The following KCNMA1 variants were observed in gnomAD, a reference collection of about 807,000 sequenced individuals.
KCNMA1 encodes potassium calcium-activated channel subfamily M alpha 1, also known as Calcium-activated potassium channel subunit alpha-1.
Under a neutral mutation model 140.0 loss-of-function variants are expected in KCNMA1, and 29 were observed. The ratio of observed to expected loss-of-function variants is 0.21; its 90% CI spans 0.15 to 0.28. KCNMA1 has a LOEUF of 0.28. KCNMA1 is among the 10% of genes least tolerant of loss of function. The pLI, the probability that KCNMA1 is intolerant of heterozygous loss-of-function variation, is 1.00. For synonymous variants in KCNMA1, 612 were observed against 611.9 expected, an observed-to-expected ratio of 1.00 and a Z score of 0.00; for missense variants, 880 against 1,602.2, an observed-to-expected ratio of 0.55 and a Z score of 7.70.
chr10:77,048,004 G>A (rs1023204300), intron 14 of KCNMA1, among the ~76,000 whole-genome samples: 8 of 151,756 alleles, frequency 5.3e-5, no homozygotes, highest in Non-Finnish European at 1.2e-4. Flanking sequence ...TGAATTACAG[G>A]CCAGGCACTG....
intron 1 of KCNMA1, among the ~76,000 whole-genome samples, chr10:77,601,494 C>G (rs1379167344): frequency 6.6e-6 from 1 of 152,206 alleles, no homozygotes; most frequent in Non-Finnish European, 1.5e-5. Flanking sequence ...TCGCCTTAGA[C>G]TCGGACCATG....
chr10:77,414,657 AT>A (rs777611056), intron 1 of KCNMA1, among the ~76,000 whole-genome samples: 33 of 149,248 alleles, frequency 2.2e-4, no homozygotes, highest in African/African-American at 4.9e-4. Flanking sequence ...TGCTCCAGTA[AT>A]TTTTTTTTTC....
intron 23 of KCNMA1, among the ~76,000 whole-genome samples, chr10:76,928,607 T>C (rs1289186150): frequency 1.3e-5 from 2 of 152,220 alleles, no homozygotes; most frequent in Non-Finnish European, 2.9e-5. Context: ...CTGTAAAATA[T>C]GCTTTAATAT....
At chr10:77,265,838 T>C (rs2063274198) in intron 2 of KCNMA1, among the ~76,000 whole-genome samples, 1 of 152,164 alleles carries the variant, frequency 6.6e-6, no homozygotes, top group Non-Finnish European at 1.5e-5. Context: ...CCCAGCACTT[T>C]GGGAGGCCGA....
chr10:77,347,663 T>G (rs1377573189), intron 2 of KCNMA1, among the ~76,000 whole-genome samples: 1 of 152,128 alleles, frequency 6.6e-6, no homozygotes, highest in Non-Finnish European at 1.5e-5. Flanking sequence ...TGTAAGACTA[T>G]TGGGAATAAA....
intron 14 of KCNMA1, among the ~76,000 whole-genome samples, chr10:77,070,688 C>G (rs2096166516): frequency 6.6e-6 from 1 of 152,106 alleles, no homozygotes; most frequent in South Asian, 2.1e-4. Context: ...ACCCCCCACC[C>G]CCAACAAAAG....
intron 3 of KCNMA1, among the ~76,000 whole-genome samples, chr10:77,186,881 T>G (rs1436867682): frequency 6.6e-6 from 1 of 151,812 alleles, no homozygotes; most frequent in Non-Finnish European, 1.5e-5. Flanking sequence ...GGTGCTCACT[T>G]GTGCCAGCGG....
At chr10:77,332,781 A>C (rs984400496) in intron 2 of KCNMA1, among the ~76,000 whole-genome samples, 3 of 152,228 alleles carry the variant, frequency 2.0e-5, no homozygotes, top group Non-Finnish European at 4.4e-5. Context: ...ACAGAAGTAC[A>C]CAGCTCTCAG....
At position 76,930,637 on chromosome 10, in the gene KCNMA1, A is replaced by T. The variant is rs762560732; in HGVS notation, c.2902+14136T>A. Among the ~76,000 whole-genome samples, 26 of 152,190 alleles carry T rather than the reference A, an allele frequency of 1.7e-4. 1 individual carries two copies. Among genetic ancestry groups the T allele is most frequent in the Admixed American group, 6.5e-5 (1 of 15,284 alleles). Reference sequence around the variant, plus strand: ...CACTTCTGGGTATATATCCAACAGAAATGAAATCAGTATCTCAAAGAGACA... The same window carrying T: ...CACTTCTGGGTATATATCCAACAGATATGAAATCAGTATCTCAAAGAGACA... On this transcript the variant is annotated intron_variant, in intron 23 of 27. Coordinates refer to ENST00000286628, the MANE Select transcript of KCNMA1 (RefSeq NM_001161352.2).
intron 2 of KCNMA1, among the ~76,000 whole-genome samples, chr10:77,294,901 A>G (rs2074442479): frequency 6.6e-6 from 1 of 152,110 alleles, no homozygotes; most frequent in African/African-American, 2.4e-5. Flanking sequence ...CCTGGACAAC[A>G]GAGCAAGACT....
At chr10:77,061,120 G>A (rs1456165226) in intron 14 of KCNMA1, among the ~76,000 whole-genome samples, 1 of 152,082 alleles carries the variant, frequency 6.6e-6, no homozygotes, top group Non-Finnish European at 1.5e-5. Context: ...AGATATCTAG[G>A]AGTGGTATTT....
chr10:77,121,076 A>C lies in KCNMA1; in HGVS notation c.809-28T>G, dbSNP rs78403702. ...GGAAAAAAGAATGAAATAGAGATGC[A>C]TTATTTTCAATGTGTGATTTTAATG... On this transcript the variant is annotated intron_variant, in intron 5 of 27. Coordinates refer to ENST00000286628, the MANE Select transcript of KCNMA1 (RefSeq NM_001161352.2). The C allele has an allele frequency of 1.3e-3, 1,678 of 1,289,000 alleles. 15 individuals are homozygous for C. The African/African-American group carries it at 0.022, about 17-fold the overall frequency. The allele number at this position is 1,289,000 out of a possible 1,614,324, so 79.8% of individuals were successfully genotyped here. A position where few individuals can be genotyped will look rare whatever the true frequency, so the allele number is the denominator to read the frequency against.
At chr10:77,521,511 A>T (rs1365041376) in intron 1 of KCNMA1, among the ~76,000 whole-genome samples, 5 of 152,188 alleles carry the variant, frequency 3.3e-5, no homozygotes, top group Admixed American at 6.5e-5. Flanking sequence ...AAGTGATTTA[A>T]CTGCCTCTCT....
At chr10:77,352,262 T>C (rs1336836520) in intron 2 of KCNMA1, among the ~76,000 whole-genome samples, 1 of 152,254 alleles carries the variant, frequency 6.6e-6, no homozygotes, top group Non-Finnish European at 1.5e-5. Flanking sequence ...TTCTCCTGGT[T>C]AGTGGTCCTT....
At chr10:77,295,417 G>A (rs2074627990) in intron 2 of KCNMA1, among the ~76,000 whole-genome samples, 2 of 151,746 alleles carry the variant, frequency 1.3e-5, no homozygotes, top group Non-Finnish European at 2.9e-5. Context: ...ACATAGACAC[G>A]CATATATGTG....
At chr10:76,962,833 A>C (rs1205141189) in intron 20 of KCNMA1, among the ~76,000 whole-genome samples, 2 of 152,340 alleles carry the variant, frequency 1.3e-5, no homozygotes, top group Non-Finnish European at 2.9e-5. Context: ...CTCTTCAAGC[A>C]GTCAACAGAG....
chr10:77,121,386 T>C (rs1306224956), intron 5 of KCNMA1, among the ~76,000 whole-genome samples: 4 of 152,232 alleles, frequency 2.6e-5, no homozygotes, highest in Non-Finnish European at 4.4e-5. Flanking sequence ...GGATTTTGTC[T>C]CTGAAAAATC....
intron 1 of KCNMA1, among the ~76,000 whole-genome samples, chr10:77,581,301 C>A (rs909103707): frequency 4.1e-5 from 5 of 122,534 alleles, no homozygotes; most frequent in Non-Finnish European, 8.4e-5. Flanking sequence ...CTGTTTGATA[C>A]CCAATTCTCA....
At chr10:77,332,066 C>T (rs1213193501) in intron 2 of KCNMA1, among the ~76,000 whole-genome samples, 2 of 152,116 alleles carry the variant, frequency 1.3e-5, no homozygotes, top group East Asian at 3.9e-4. Flanking sequence ...GAACAAGACA[C>T]AACCCCTGTT....
Sources: gnomAD v4.1 joint callset for allele counts (sites outside exome capture counted in the v4.1 genomes callset) on GRCh38, gnomAD v4.1.1 for gene constraint, MANE v1.5 for transcripts, NCBI Gene and HGNC (gene_info 2026-07-23, HGNC 2026-07-21) for gene names.